The following RAB3GAP1 variants were observed in gnomAD, a reference collection of about 807,000 sequenced individuals.
RAB3GAP1 encodes the protein rab3 GTPase-activating protein catalytic subunit.
Under a neutral mutation model 130.7 loss-of-function variants are expected in RAB3GAP1, and 86 were observed. The observed-to-expected ratio is 0.66, with a 90% confidence interval of 0.55 to 0.79. The LOEUF (loss-of-function observed/expected upper bound fraction) is 0.79. Ranked by LOEUF, RAB3GAP1 falls within the 30% of genes least tolerant of loss-of-function variation. RAB3GAP1 has a pLI of 0.00. For synonymous variants in RAB3GAP1, 367 were observed against 401.7 expected (o/e 0.91, Z 1.03); for missense variants, 1,029 against 1,169.4 (o/e 0.88, Z 1.75).
At chr2:135,072,964 T>C (rs1689520582) in intron 3 of RAB3GAP1, among the ~76,000 whole-genome samples, 1 of 152,210 alleles carries the variant, frequency 6.6e-6, no homozygotes, top group Non-Finnish European at 1.5e-5. Flanking sequence ...TGAATAAGTG[T>C]GGGCTATTTT....
At chr2:135,109,997 A>G (rs1423964260) in intron 5 of RAB3GAP1, among the ~76,000 whole-genome samples, 1 of 151,494 alleles carries the variant, frequency 6.6e-6, no homozygotes, top group Non-Finnish European at 1.5e-5. Context: ...TAAAGCTCCC[A>G]CGTAATGTTA....
chr2:135,125,105 C>T (rs1324998504), intron 9 of RAB3GAP1, among the ~76,000 whole-genome samples: 1 of 152,184 alleles, frequency 6.6e-6, no homozygotes, highest in East Asian at 1.9e-4. Flanking sequence ...CACCTCTTAG[C>T]CATCATTTCC....
chr2:135,173,989 G>C (rs988388736), downstream of RAB3GAP1, among the ~76,000 whole-genome samples: 1 of 152,208 alleles, frequency 6.6e-6, no homozygotes, highest in Admixed American at 6.5e-5. Flanking sequence ...TTAGCTCCTG[G>C]AAGCCCAGGG....
At chr2:135,065,462 A>G (rs1042255004) in intron 3 of RAB3GAP1, among the ~76,000 whole-genome samples, 1 of 152,214 alleles carries the variant, frequency 6.6e-6, no homozygotes, top group Admixed American at 6.5e-5. Flanking sequence ...TTTAAAAGCT[A>G]TACATTAAAC....
chr2:135,080,669 T>G (rs1305451457), intron 3 of RAB3GAP1, among the ~76,000 whole-genome samples: 3 of 152,230 alleles, frequency 2.0e-5, no homozygotes, highest in African/African-American at 7.2e-5. Flanking sequence ...ACTTAACAGT[T>G]GGCTGTGTCC....
chr2:135,095,790 T>C (rs1352634865), intron 5 of RAB3GAP1, among the ~76,000 whole-genome samples: 1 of 152,202 alleles, frequency 6.6e-6, no homozygotes, highest in African/African-American at 2.4e-5. Context: ...CTTTGTCCAG[T>C]GTATCTACAA....
chr2:135,105,474 T>A lies in RAB3GAP1; in HGVS notation c.363-7677T>A, dbSNP rs529630834. 2.3e-3 allele frequency among the ~76,000 whole-genome samples: 352 copies of A among 152,180 alleles called. 1 individual carries two copies. The highest frequency in any genetic ancestry group is 7.6e-3 in the African/African-American group (317 of 41,514). On this transcript the variant is annotated intron_variant, in intron 5 of 23. Transcript: ENST00000264158. ...GTCTCCAGCTCCTAACCGCGAGTGA[T>A]CTGCCAGCCTCGGCCTCTGGAGGTG...
chr2:135,100,634 A>T (rs1690424363), intron 5 of RAB3GAP1, among the ~76,000 whole-genome samples: 2 of 152,240 alleles, frequency 1.3e-5, no homozygotes, highest in Non-Finnish European at 2.9e-5. Flanking sequence ...CCAACAACAA[A>T]GCTTTTGAGA....
At chr2:135,081,525 T>G (rs1399679734) in intron 3 of RAB3GAP1, among the ~76,000 whole-genome samples, 1 of 151,114 alleles carries the variant, frequency 6.6e-6, no homozygotes, top group African/African-American at 2.4e-5. Flanking sequence ...TTTTGCTGTC[T>G]TTTGGGATTA....
intron 3 of RAB3GAP1, among the ~76,000 whole-genome samples, chr2:135,064,688 TA>T (rs1689265444): frequency 6.6e-6 from 1 of 151,184 alleles, no homozygotes; most frequent in Non-Finnish European, 1.5e-5. Context: ...TTCTGTTGAT[TA>T]TGTTTTTTTT....
chr2:135,109,345 T>C (rs1289810143), intron 5 of RAB3GAP1, among the ~76,000 whole-genome samples: 2 of 152,034 alleles, frequency 1.3e-5, no homozygotes, highest in African/African-American at 2.4e-5. Flanking sequence ...GTGGTGGTAT[T>C]GGTGGTGGTA....
chr2:135,124,587 C>T (rs774219280), intron 9 of RAB3GAP1, among the ~76,000 whole-genome samples: 4 of 152,168 alleles, frequency 2.6e-5, no homozygotes, highest in Non-Finnish European at 5.9e-5. Flanking sequence ...ATCACTTGAA[C>T]CCGGCAGGCA....
At chr2:135,162,517 C>A in intron 19 of RAB3GAP1, 38 bp from the exon 20 acceptor site, 1 of 1,512,072 alleles carries the variant, frequency 6.6e-7, no homozygotes, top group Non-Finnish European at 9.2e-7. Flanking sequence ...TCCTTTGACA[C>A]CTGCGCTGAT....
chr2:135,100,254 C>T (rs1193505586), intron 5 of RAB3GAP1, among the ~76,000 whole-genome samples: 1 of 152,208 alleles, frequency 6.6e-6, no homozygotes, highest in Non-Finnish European at 1.5e-5. Flanking sequence ...TCTAGCACAG[C>T]ATAGTCAGTT....
chr2:135,126,706 TC>T, intron 11 of RAB3GAP1, 50 bp downstream of exon 11: 1 of 1,459,486 alleles, frequency 6.9e-7, no homozygotes, highest in Non-Finnish European at 9.6e-7. Context: ...CTGCCTAACT[TC>T]CAAATCGGAG....
intron 18 of RAB3GAP1, 22 bp downstream of exon 18, chr2:135,150,528 C>T: frequency 1.9e-6 from 3 of 1,613,490 alleles, no homozygotes; most frequent in Non-Finnish European, 2.5e-6. Context: ...TTGCAGAGCT[C>T]TGGGGTCTAT....
At chr2:135,109,586 T>A (rs890753858) in intron 5 of RAB3GAP1, among the ~76,000 whole-genome samples, 1 of 151,954 alleles carries the variant, frequency 6.6e-6, no homozygotes, top group Non-Finnish European at 1.5e-5. Flanking sequence ...TTTTTTTTTT[T>A]TAATTTTTTA....
chr2:135,092,369 G>A (rs1390839886), intron 4 of RAB3GAP1, among the ~76,000 whole-genome samples: 2 of 152,174 alleles, frequency 1.3e-5, no homozygotes, highest in Non-Finnish European at 2.9e-5. Context: ...GTAGTAAAGA[G>A]GCTTAGAATC....
Position 135,153,639 on chromosome 2 carries a change from C to G in RAB3GAP1, c.2062-10C>G. ...ATTTGATTCTGCTGAATTTTTTTGT[C>G]TTATTTTAGGCAGCTAATCCAGGTT... On this transcript the variant is annotated splice_polypyrimidine_tract_variant and intron_variant, in intron 18 of 23. Transcript: ENST00000264158. The G allele has an allele frequency of 6.2e-7, 1 of 1,612,898 alleles. No individual in the cohort carries two copies.
Sources: allele counts gnomAD v4.1 joint callset (sites outside exome capture counted in the v4.1 genomes callset), GRCh38; gene constraint gnomAD v4.1.1; transcripts MANE v1.5; gene names NCBI Gene and HGNC (gene_info 2026-07-23, HGNC 2026-07-21).